GNAL: variants seen among roughly 807,000 people sequenced by gnomAD.
The protein encoded by GNAL is G protein subunit alpha L, also known as guanine nucleotide-binding protein G(olf) subunit alpha.
Under a neutral mutation model 55.1 loss-of-function variants are expected in GNAL, and 18 were observed. The ratio of observed to expected loss-of-function variants is 0.33; its 90% CI spans 0.23 to 0.48. GNAL has a LOEUF of 0.48. GNAL is among the 20% of genes least tolerant of loss of function. GNAL has a pLI of 0.99. For synonymous variants in GNAL, 253 were observed against 237.0 expected (o/e 1.07, Z -0.62); for missense variants, 412 against 614.1 (o/e 0.67, Z 3.48).
At chr18:11,847,617 G>A (rs2035768415) in intron 5 of GNAL, among the ~76,000 whole-genome samples, 1 of 151,996 alleles carries the variant, frequency 6.6e-6, no homozygotes, top group South Asian at 2.1e-4. Flanking sequence ...AGAAATGTCT[G>A]CACTTTAATC....
At position 11,880,297 on chromosome 18, in the gene GNAL, A is replaced by G. The variant is rs940235883; in HGVS notation, c.1231-692A>G. On this transcript the variant is annotated intron_variant, in intron 11 of 11. Coordinates refer to ENST00000334049, the MANE Select transcript of GNAL (RefSeq NM_182978.4). ...CAAACAAGCTAATTAGGTGGGGCAC[A>G]GTGGCTCATGCCTATAATCCCAGCA... 1.4e-4 allele frequency among the ~76,000 whole-genome samples: 19 copies of G among 136,830 alleles called. 1 individual carries two copies. The highest frequency in any genetic ancestry group is 5.3e-4 in the South Asian group (2 of 3,796). The allele number at this position is 136,830 out of a possible 152,430, so 89.8% of individuals were successfully genotyped here.
chr18:11,725,823 G>A (rs914712549), intron 1 of GNAL, among the ~76,000 whole-genome samples: 2 of 152,178 alleles, frequency 1.3e-5, no homozygotes, highest in Admixed American at 6.5e-5. Flanking sequence ...TGTGGTAAGA[G>A]TATATTTAGC....
chr18:11,797,467 C>T (rs1191045235), intron 4 of GNAL, among the ~76,000 whole-genome samples: 2 of 152,122 alleles, frequency 1.3e-5, no homozygotes, highest in Non-Finnish European at 1.5e-5. Flanking sequence ...GTCCACCAGG[C>T]GTGATGGCTC....
At chr18:11,796,786 TAC>T (rs2034401065) in intron 4 of GNAL, among the ~76,000 whole-genome samples, 1 of 152,208 alleles carries the variant, frequency 6.6e-6, no homozygotes, top group Non-Finnish European at 1.5e-5. Flanking sequence ...ATAATGCTTC[TAC>T]AACCTGATTT....
intron 5 of GNAL, among the ~76,000 whole-genome samples, chr18:11,850,409 G>T (rs868066335): frequency 3.9e-5 from 6 of 152,186 alleles, no homozygotes; most frequent in African/African-American, 1.4e-4. Context: ...CGCTCTCAGA[G>T]TTCATTTTCA....
intron 5 of GNAL, among the ~76,000 whole-genome samples, chr18:11,835,007 C>T (rs1246087258): frequency 3.9e-5 from 6 of 152,118 alleles, no homozygotes; most frequent in African/African-American, 1.4e-4. Flanking sequence ...GCATTGTCTA[C>T]AAAAATGACC....
intron 1 of GNAL, among the ~76,000 whole-genome samples, chr18:11,695,743 T>C (rs182830237): frequency 2.0e-4 from 31 of 152,344 alleles, no homozygotes; most frequent in African/African-American, 6.7e-4. Flanking sequence ...TTTCTTGTTA[T>C]AGTTTATGTA....
intron 7 of GNAL, among the ~76,000 whole-genome samples, chr18:11,866,761 A>C (rs557724011): frequency 2.5e-4 from 38 of 150,262 alleles, no homozygotes; most frequent in Non-Finnish European, 5.1e-4. Flanking sequence ...GTGTCCTGAG[A>C]GCTGGAACAA....
chr18:11,875,345 G>A (rs1159134737), intron 10 of GNAL, among the ~76,000 whole-genome samples: 1 of 152,214 alleles, frequency 6.6e-6, no homozygotes, highest in East Asian at 1.9e-4. Flanking sequence ...TGTCTTGCTT[G>A]CGCTGCTGTA....
At position 11,864,623 on chromosome 18, in the gene GNAL, G is replaced by C. The variant is rs371436894; in HGVS notation, c.851+17G>C. On this transcript the variant is annotated intron_variant, in intron 7 of 11. Coordinates refer to ENST00000334049, the MANE Select transcript of GNAL (RefSeq NM_182978.4). ...AAACTTCCAGTGAGTATGTTGTTAA[G>C]AGCTGCATGGCCCAGGGCCACATGA... The C allele has an allele frequency of 2.2e-6, 3 of 1,370,384 alleles. No individual in the cohort carries two copies. In the African/African-American group the frequency reaches 4.3e-5, roughly 19 times the overall value. 84.9% of individuals were successfully genotyped at this position (1,370,384 alleles called of 1,614,324 possible).
At chr18:11,714,188 G>A (rs1450043026) in intron 1 of GNAL, among the ~76,000 whole-genome samples, 1 of 152,266 alleles carries the variant, frequency 6.6e-6, no homozygotes, top group East Asian at 1.9e-4. Context: ...TCAGTGAAAC[G>A]CATGAACCAA....
chr18:11,768,688 A>G (rs2033492946), intron 4 of GNAL, among the ~76,000 whole-genome samples: 2 of 150,374 alleles, frequency 1.3e-5, no homozygotes, highest in Admixed American at 6.7e-5. Flanking sequence ...AGGTCAGGAG[A>G]TCAAGAACAT....
chr18:11,877,325 T>C (rs528029858), intron 11 of GNAL, among the ~76,000 whole-genome samples: 2 of 151,980 alleles, frequency 1.3e-5, no homozygotes, highest in African/African-American at 2.4e-5. Context: ...TGTGGTGGCA[T>C]GCGCCTGTAA....
At chr18:11,835,241 G>A (rs915166247) in intron 5 of GNAL, among the ~76,000 whole-genome samples, 1 of 152,186 alleles carries the variant, frequency 6.6e-6, no homozygotes, top group African/African-American at 2.4e-5. Flanking sequence ...CAGAGGGAGT[G>A]TACTGCTGTC....
At chr18:11,704,383 G>A (rs915956862) in intron 1 of GNAL, among the ~76,000 whole-genome samples, 1 of 152,216 alleles carries the variant, frequency 6.6e-6, no homozygotes, top group Non-Finnish European at 1.5e-5. Context: ...CCTTTGCTGT[G>A]GCTTCACTAT....
At chr18:11,779,858 A>G (rs11080534) in intron 4 of GNAL, among the ~76,000 whole-genome samples, 34,379 of 152,164 alleles carry the variant, frequency 0.23, 5,041 homozygotes, top group African/African-American at 0.42. Flanking sequence ...TCCTTGCCTC[A>G]TACTACAAAA....
chr18:11,766,841 A>G (rs530969578), intron 4 of GNAL, among the ~76,000 whole-genome samples: 2 of 152,328 alleles, frequency 1.3e-5, no homozygotes, highest in African/African-American at 4.8e-5. Flanking sequence ...GGGAGATCAT[A>G]AATTGAACAG....
intron 5 of GNAL, chr18:11,851,418 CAA>C (rs1194949825): frequency 7.1e-7 from 1 of 1,404,264 alleles, no homozygotes; most frequent in Non-Finnish European, 9.3e-7. Context: ...GGGACCAAAA[CAA>C]AGGAGCGGCG....
chr18:11,808,935 A>G (rs1201602739), intron 4 of GNAL, among the ~76,000 whole-genome samples: 1 of 152,238 alleles, frequency 6.6e-6, no homozygotes, highest in Non-Finnish European at 1.5e-5. Flanking sequence ...ATTTATAGGA[A>G]ACGTCCAGCA....
Sources: gnomAD v4.1 joint callset for allele counts (sites outside exome capture counted in the v4.1 genomes callset) on GRCh38, gnomAD v4.1.1 for gene constraint, MANE v1.5 for transcripts, NCBI Gene and HGNC (gene_info 2026-07-23, HGNC 2026-07-21) for gene names.